MASP1: variants seen among roughly 807,000 people sequenced by gnomAD.
MASP1 encodes the protein mannan-binding lectin serine protease 1.
Under a neutral mutation model 77.1 loss-of-function variants are expected in MASP1, and 59 were observed. The observed-to-expected ratio is 0.77, with a 90% confidence interval of 0.62 to 0.95. The LOEUF (loss-of-function observed/expected upper bound fraction) is 0.95, where lower values mean the gene tolerates loss of function less well. Ranked by LOEUF, MASP1 falls within the 40% of genes least tolerant of loss-of-function variation. MASP1 has a pLI of 0.00. For missense variants in MASP1, 885 were observed against 912.9 expected (o/e 0.97, Z 0.39); for synonymous variants, 362 against 354.5 (o/e 1.02, Z -0.24).
chr3:187,261,233 A>G (rs151314382), intron 3 of MASP1, among the ~76,000 whole-genome samples: 11 of 152,306 alleles, frequency 7.2e-5, no homozygotes, highest in African/African-American at 1.9e-4. Flanking sequence ...GTCACATTCT[A>G]TGGAGGATGA....
At chr3:187,242,771 C>T (rs1296633257) in intron 9 of MASP1, 2 of 157,708 alleles carry the variant, frequency 1.3e-5, no homozygotes, top group Non-Finnish European at 2.8e-5. Context: ...TATTGCTGGT[C>T]CTTCACCCTC....
chr3:187,257,874 G>A (rs972820439), intron 4 of MASP1, among the ~76,000 whole-genome samples: 3 of 152,098 alleles, frequency 2.0e-5, no homozygotes, highest in Admixed American at 1.3e-4. Flanking sequence ...GGAATTCCTG[G>A]CCATGATGGA....
At chr3:187,225,310 G>A in intron 13 of MASP1, 3 of 1,612,430 alleles carry the variant, frequency 1.9e-6, no homozygotes, top group South Asian at 1.1e-5. Flanking sequence ...AGAGGTGGAG[G>A]TAGGGGAAAG....
intron 14 of MASP1, among the ~76,000 whole-genome samples, chr3:187,221,378 G>T (rs1432871330): frequency 6.6e-6 from 1 of 152,210 alleles, no homozygotes; most frequent in Admixed American, 6.5e-5. Context: ...CAAGTCACAT[G>T]CCCTCTCTGG....
chr3:187,261,795 T>C (rs850309), intron 3 of MASP1, among the ~76,000 whole-genome samples: 31,709 of 152,118 alleles, frequency 0.21, 3,537 homozygotes, highest in African/African-American at 0.28. Context: ...ACTTTGTTAG[T>C]GAGAGCTAAA....
chr3:187,247,790 G>A (rs147064776), intron 8 of MASP1, among the ~76,000 whole-genome samples: 1 of 152,232 alleles, frequency 6.6e-6, no homozygotes, highest in East Asian at 1.9e-4. Context: ...CTTTTCTAGT[G>A]CACGTTTCTT....
intron 10 of MASP1, among the ~76,000 whole-genome samples, 187 bp from the exon 11 acceptor site, chr3:187,236,754 T>C (rs1713225365): frequency 6.6e-6 from 1 of 152,200 alleles, no homozygotes; most frequent in Non-Finnish European, 1.5e-5. Flanking sequence ...TAAGTCTCTC[T>C]AGGCTGGCCC....
chr3:187,289,424 C>T (rs1324714984), intron 1 of MASP1, among the ~76,000 whole-genome samples: 1 of 152,092 alleles, frequency 6.6e-6, no homozygotes, highest in South Asian at 2.1e-4. Flanking sequence ...TGCTCAATAC[C>T]ATATGGTGAA....
At chr3:187,231,122 C>G (rs1017418337), downstream of MASP1, among the ~76,000 whole-genome samples, 2 of 152,246 alleles carry the variant, frequency 1.3e-5, no homozygotes, top group Non-Finnish European at 2.9e-5. Flanking sequence ...TGGGAACTCC[C>G]TGAGTGGGAA....
intron 11 of MASP1, among the ~76,000 whole-genome samples, chr3:187,227,116 C>T (rs539855751): frequency 1.3e-4 from 20 of 152,228 alleles, no homozygotes; most frequent in Non-Finnish European, 2.6e-4. Context: ...GGACCTATAT[C>T]TAGACCATTT....
At chr3:187,281,949 G>A (rs760128899) in intron 2 of MASP1, among the ~76,000 whole-genome samples, 8 of 152,196 alleles carry the variant, frequency 5.3e-5, no homozygotes, top group African/African-American at 1.4e-4. Context: ...TTGGCCAGGC[G>A]ATTAGAAAAA....
At chr3:187,245,155 G>A (rs961468156) in intron 8 of MASP1, among the ~76,000 whole-genome samples, 9 of 152,186 alleles carry the variant, frequency 5.9e-5, no homozygotes, top group Admixed American at 3.9e-4. Context: ...ACTTTGTGAG[G>A]TAAATGTGTG....
At chr3:187,225,763 A>C (rs1234141795) in intron 12 of MASP1, among the ~76,000 whole-genome samples, 2 of 152,140 alleles carry the variant, frequency 1.3e-5, no homozygotes, top group South Asian at 4.1e-4. Flanking sequence ...CTGCTGCCAC[A>C]TGTTCAATCC....
At chr3:187,282,510 A>AAGAAG (rs57367606) in intron 2 of MASP1, among the ~76,000 whole-genome samples, 10 of 131,478 alleles carry the variant, frequency 7.6e-5, no homozygotes, top group African/African-American at 5.5e-5. Context: ...AAAAAAAAAA[A>AAGAAG]AAGAAGAAGA....
At chr3:187,258,059 G>T (rs1012188353) in intron 4 of MASP1, among the ~76,000 whole-genome samples, 5 of 152,168 alleles carry the variant, frequency 3.3e-5, no homozygotes, top group Non-Finnish European at 5.9e-5. Flanking sequence ...CAAGGGTTAA[G>T]TCACGCATCC....
chr3:187,247,128 G>A, intron 8 of MASP1: 1 of 1,443,546 alleles, frequency 6.9e-7, no homozygotes, highest in East Asian at 2.5e-5. Context: ...GTGTTTGAAT[G>A]ATGGGCAAAC....
chr3:187,283,907 T>A (rs1717629663), intron 2 of MASP1, among the ~76,000 whole-genome samples: 2 of 152,206 alleles, frequency 1.3e-5, no homozygotes, highest in Admixed American at 1.3e-4. Flanking sequence ...ACAATCCATC[T>A]TATCCTGGAG....
chr3:187,225,087 ACTAGT>A (rs1033527692), intron 13 of MASP1, among the ~76,000 whole-genome samples: 9 of 152,130 alleles, frequency 5.9e-5, no homozygotes, highest in Admixed American at 3.3e-4. Context: ...TGTTACGATA[ACTAGT>A]CTAGTTTTTG....
At chr3:187,262,237 C>G (rs1715643085) in intron 3 of MASP1, among the ~76,000 whole-genome samples, 1 of 151,926 alleles carries the variant, frequency 6.6e-6, no homozygotes, top group South Asian at 2.1e-4. Flanking sequence ...CAATTTTACA[C>G]AAAAAGAAAA....
Sources: allele counts gnomAD v4.1 joint callset (sites outside exome capture counted in the v4.1 genomes callset), GRCh38; gene constraint gnomAD v4.1.1; transcripts MANE v1.5; gene names NCBI Gene and HGNC (gene_info 2026-07-23, HGNC 2026-07-21).